NUP153: variants seen among roughly 807,000 people sequenced by gnomAD.
NUP153 encodes the protein nucleoporin 153, also known as nuclear pore complex protein Nup153.
In NUP153, 27 loss-of-function variants were observed where a neutral mutation model predicts 134.6. The observed-to-expected ratio is 0.20, with a 90% CI of 0.15 to 0.28. The LOEUF (loss-of-function observed/expected upper bound fraction) is 0.28. NUP153 is among the 10% of genes least tolerant of loss of function. The pLI is 1.00. For missense variants in NUP153, 1,821 were observed against 1,731.3 expected (o/e 1.05, Z -0.92); for synonymous variants, 640 against 623.5 (o/e 1.03, Z -0.40).
At chr6:17,632,343 A>C (rs1765299006) in intron 17 of NUP153, among the ~76,000 whole-genome samples, 1 of 151,942 alleles carries the variant, frequency 6.6e-6, no homozygotes, top group African/African-American at 2.4e-5. Flanking sequence ...AAACAAAAAA[A>C]CAAAGAACAG....
chr6:17,661,992 T>G (rs1207466041), intron 10 of NUP153, 26 bp downstream of exon 10: 7 of 1,504,968 alleles, frequency 4.7e-6, no homozygotes, highest in Non-Finnish European at 6.5e-6. Flanking sequence ...TATAAAGAAG[T>G]ATAGCTGTAT....
At chr6:17,705,666 T>C (rs1420029473) in intron 1 of NUP153, among the ~76,000 whole-genome samples, 66 of 151,862 alleles carry the variant, frequency 4.3e-4, no homozygotes, top group Admixed American at 4.2e-3. Flanking sequence ...GTGCCACGGT[T>C]AACTATAACC....
At chr6:17,652,484 T>C (rs1766558493) in intron 11 of NUP153, among the ~76,000 whole-genome samples, 1 of 152,050 alleles carries the variant, frequency 6.6e-6, no homozygotes, top group South Asian at 2.1e-4. Context: ...ACAATGCTTC[T>C]AGAAGCAAGC....
intron 20 of NUP153, among the ~76,000 whole-genome samples, chr6:17,617,222 G>C (rs918018368): frequency 1.3e-5 from 2 of 152,008 alleles, no homozygotes; most frequent in African/African-American, 4.8e-5. Context: ...AGGGGAAAAG[G>C]GCACCCTGGA....
At position 17,665,301 on chromosome 6, in the gene NUP153, G is replaced by T. The variant is rs1466992788; in HGVS notation, c.1153C>A (p.Pro385Thr). Reference sequence around the variant, plus strand: ...AATTCACCAGAAGGAGTCAGAGATGGTTTAAAATAAACACTTCGATTTGTT... The same window carrying T: ...AATTCACCAGAAGGAGTCAGAGATGTTTTAAAATAAACACTTCGATTTGTT... The part of the protein sequence containing the change: ...IATNRSVYFK[P>T]SLTPSGEFRK... Residue 385 changes from proline to threonine, a missense_variant, in exon 9 of 22, where the codon CCA becomes ACA. Pro to Thr is a conservative substitution (Grantham distance 38). Coordinates refer to ENST00000262077, the MANE Select transcript of NUP153 (RefSeq NM_005124.4). The T allele has an allele frequency of 6.2e-7, 1 of 1,612,624 alleles. No individual in the cohort carries two copies.
intron 5 of NUP153, 55 bp downstream of exon 5, chr6:17,674,850 T>TA: frequency 7.5e-7 from 1 of 1,339,812 alleles, no homozygotes; most frequent in African/African-American, 1.5e-5. Context: ...ATTATCCAGT[T>TA]AAAGTGTAAA....
At chr6:17,679,227 G>C (rs1017607328) in intron 2 of NUP153, among the ~76,000 whole-genome samples, 1 of 152,094 alleles carries the variant, frequency 6.6e-6, no homozygotes, top group African/African-American at 2.4e-5. Flanking sequence ...ACAAAAAAAT[G>C]TGTTTCTAGG....
intron 2 of NUP153, among the ~76,000 whole-genome samples, chr6:17,678,263 C>T (rs1307029504): frequency 2.8e-5 from 4 of 145,392 alleles, no homozygotes; most frequent in Admixed American, 1.4e-4. Flanking sequence ...GGCTGAAGCA[C>T]GAGAATTGCT....
intron 1 of NUP153, among the ~76,000 whole-genome samples, chr6:17,694,342 G>A (rs1769488523): frequency 6.6e-6 from 1 of 152,140 alleles, no homozygotes; most frequent in Non-Finnish European, 1.5e-5. Flanking sequence ...CTGTTTTACA[G>A]AGATGAAGGT....
intron 14 of NUP153, among the ~76,000 whole-genome samples, chr6:17,640,665 G>A (rs552134578): frequency 1.1e-4 from 16 of 152,272 alleles, no homozygotes; most frequent in Admixed American, 3.3e-4. Flanking sequence ...CAGCAAGGCC[G>A]GAGTACAGTG....
chr6:17,623,741 G>C (rs1764772276), intron 20 of NUP153, among the ~76,000 whole-genome samples: 2 of 152,130 alleles, frequency 1.3e-5, no homozygotes, highest in Admixed American at 1.3e-4. Context: ...ACAAGCCTTA[G>C]AGCAAAACAA....
intron 1 of NUP153, among the ~76,000 whole-genome samples, chr6:17,703,240 G>C (rs1348951128): frequency 6.6e-6 from 1 of 150,972 alleles, no homozygotes; most frequent in African/African-American, 2.4e-5. Flanking sequence ...GTTAAAGAAG[G>C]AAAGTAGTAA....
chr6:17,617,873 A>G (rs2113757139), intron 20 of NUP153, among the ~76,000 whole-genome samples: 1 of 152,192 alleles, frequency 6.6e-6, no homozygotes. Context: ...AAGAAAAAAA[A>G]GATGGTAATT....
At chr6:17,650,746 C>T (rs186172667) in intron 11 of NUP153, among the ~76,000 whole-genome samples, 2 of 151,448 alleles carry the variant, frequency 1.3e-5, no homozygotes, top group Admixed American at 6.6e-5. Flanking sequence ...TGTGAGCAAA[C>T]AAAAACTTTT....
chr6:17,657,393 T>TAAAAAAA (rs67417559), intron 11 of NUP153, among the ~76,000 whole-genome samples: 1 of 94,978 alleles, frequency 1.1e-5, no homozygotes, highest in African/African-American at 3.7e-5. Context: ...AATAAAAAAA[T>TAAAAAAA]AAAAAAATAA....
chr6:17,655,884 A>T (rs1451492188), intron 11 of NUP153, among the ~76,000 whole-genome samples: 1 of 152,216 alleles, frequency 6.6e-6, no homozygotes, highest in Non-Finnish European at 1.5e-5. Context: ...ATAATTGTGT[A>T]TCCAAACCTA....
chr6:17,686,529 G>A (rs1250905737), intron 2 of NUP153, among the ~76,000 whole-genome samples: 2 of 151,648 alleles, frequency 1.3e-5, no homozygotes, highest in African/African-American at 4.8e-5. Flanking sequence ...CGGAGTAGCT[G>A]GGACTACAGG....
intron 1 of NUP153, among the ~76,000 whole-genome samples, chr6:17,700,607 A>G (rs1332720437): frequency 6.6e-6 from 1 of 152,216 alleles, no homozygotes; most frequent in East Asian, 1.9e-4. Flanking sequence ...TTCAAATCTG[A>G]GAACACTCCA....
chr6:17,703,862 ATAAAT>A (rs1191322929), intron 1 of NUP153, among the ~76,000 whole-genome samples: 1 of 152,232 alleles, frequency 6.6e-6, no homozygotes, highest in Non-Finnish European at 1.5e-5. Context: ...AGGGGCAATG[ATAAAT>A]TATCAAGATT....
Sources: gnomAD v4.1 joint callset for allele counts (sites outside exome capture counted in the v4.1 genomes callset) on GRCh38, gnomAD v4.1.1 for gene constraint, MANE v1.5 for transcripts, NCBI Gene and HGNC (gene_info 2026-07-23, HGNC 2026-07-21) for gene names.